The following DIPK2A variants were observed in gnomAD, a reference collection of about 807,000 sequenced individuals.
The protein encoded by DIPK2A is divergent protein kinase domain 2A.
A neutral mutation model predicts 39.0 loss-of-function variants in DIPK2A; 27 were observed. That is an observed-to-expected ratio of 0.69 (90% confidence interval 0.51 to 0.96). The LOEUF (loss-of-function observed/expected upper bound fraction) is 0.96, where lower values mean the gene tolerates loss of function less well. Among genes scored for constraint, DIPK2A ranks in the 40% least tolerant of loss-of-function variants. The probability of loss-of-function intolerance (pLI) is 0.00; values close to 1 mark genes in which losing one functional copy is unlikely to be tolerated. For missense variants in DIPK2A, 528 were observed against 571.3 expected, an observed-to-expected ratio of 0.92 and a Z score of 0.77; for synonymous variants, 298 against 240.8, an observed-to-expected ratio of 1.24 and a Z score of -2.20.
chr3:143,985,391 G>A, intron 1 of DIPK2A, 152 bp from the exon 2 acceptor site: 1 of 676,112 alleles, frequency 1.5e-6, no homozygotes, highest in Non-Finnish European at 2.5e-6. Flanking sequence ...GTATGAGTTA[G>A]GAAAAAATGA....
intron 1 of DIPK2A, among the ~76,000 whole-genome samples, chr3:143,985,323 A>G (rs985295517): frequency 1.3e-5 from 2 of 152,200 alleles, no homozygotes; most frequent in African/African-American, 4.8e-5. Flanking sequence ...TTGTCATCCT[A>G]TTTTAGCTTT....
chr3:143,987,641 T>C (rs950593378), intron 2 of DIPK2A, among the ~76,000 whole-genome samples: 4 of 152,256 alleles, frequency 2.6e-5, no homozygotes, highest in Non-Finnish European at 5.9e-5. Context: ...TAGATTCTTC[T>C]TTGAGAACTT....
chr3:143,992,355 C>CT lies in DIPK2A; in HGVS notation c.*2517dup, dbSNP rs773366633. On this transcript the variant is annotated 3_prime_UTR_variant, in exon 3 of 3. Transcript: ENST00000315691. ...CTTTTAATGATCTTAATAAAGAATA[C>CT]TTTAAGAATCACACTTTTCAGACTA... The CT allele has an allele frequency of 1.3e-5, 2 of 152,482 alleles. No individual in the cohort carries two copies. Among genetic ancestry groups the CT allele is most frequent in the Admixed American group, 1.3e-4 (2 of 15,274 alleles). The allele number at this position is 152,482 out of a possible 1,614,324, so 9.4% of individuals were successfully genotyped here.
rs1218905088 is a variant in DIPK2A, at chr3:143,972,671, C to A, written c.339C>A (p.Gly113=). ...GRRRVVLKRL[G]SQRELAQLDQ... is the part of the protein sequence containing the mutation. ...GCCGAGTGGTGCTCAAGCGCCTCGGCTCGCAGCGCGAGCTGGCGCAGCTCG... is the reference window on the plus strand; with the variant it reads ...GCCGAGTGGTGCTCAAGCGCCTCGGATCGCAGCGCGAGCTGGCGCAGCTCG... The change falls in exon 1 of 3, where the codon GGC becomes GGA. Residue 113 remains glycine (G), a synonymous_variant. Coordinates refer to ENST00000315691, the MANE Select transcript of DIPK2A (RefSeq NM_173552.5). 1.2e-6 allele frequency: 2 copies of A among 1,609,106 alleles called. No homozygotes were observed. The highest frequency in any genetic ancestry group is 2.2e-5 in the South Asian group (2 of 90,890).
At chr3:143,983,726 A>T (rs2087859273) in intron 1 of DIPK2A, among the ~76,000 whole-genome samples, 1 of 152,214 alleles carries the variant, frequency 6.6e-6, no homozygotes, top group Non-Finnish European at 1.5e-5. Flanking sequence ...ACTGAAGGAG[A>T]TAGAGACACG....
At chr3:143,975,033 A>G (rs1430516523) in intron 1 of DIPK2A, among the ~76,000 whole-genome samples, 1 of 152,116 alleles carries the variant, frequency 6.6e-6, no homozygotes, top group African/African-American at 2.4e-5. Context: ...CCTTTTTTGA[A>G]AAAGCACAAT....
chr3:143,972,831 C>T lies in DIPK2A; in HGVS notation c.499C>T (p.Leu167=), dbSNP rs6798911. Residue 167 remains leucine, a synonymous_variant, in exon 1 of 3, where the codon CTG becomes TTG. Transcript: ENST00000315691. ...CGAGGCGGTGGAGGGCTGGTCGGAC[C>T]TGGTGCACTGCCCCTCGCAGCGCCT... ...TPEAVEGWSD[L]VHCPSQRLLD... The T allele has an allele frequency of 0.024, 38,115 of 1,566,068 alleles. 3,135 individuals carry two copies. The African/African-American group carries it at 0.28, about 11-fold the overall frequency.
At chr3:143,973,124 G>T in intron 1 of DIPK2A, 135 bp downstream of exon 1, 1 of 1,272,930 alleles carries the variant, frequency 7.9e-7, no homozygotes, top group South Asian at 1.3e-5. Context: ...GGCGTGGGAA[G>T]GGGCGTCTCC....
At chr3:143,985,916 G>A in intron 2 of DIPK2A, 70 bp downstream of exon 2, 9 of 1,293,656 alleles carry the variant, frequency 7.0e-6, no homozygotes, top group Non-Finnish European at 8.5e-6. Flanking sequence ...ATACTTGTAT[G>A]AAATGAGCCT....
chr3:143,975,113 G>T (rs1175589309), intron 1 of DIPK2A, among the ~76,000 whole-genome samples: 2 of 152,062 alleles, frequency 1.3e-5, no homozygotes, highest in Non-Finnish European at 2.9e-5. Context: ...CATAGGATAA[G>T]AATTTGTTTT....
At chr3:143,976,509 TATTGA>T (rs1410452605) in intron 1 of DIPK2A, among the ~76,000 whole-genome samples, 2 of 151,110 alleles carry the variant, frequency 1.3e-5, no homozygotes, top group Non-Finnish European at 1.5e-5. Context: ...GTATTTAACC[TATTGA>T]ATTTACAGAA....
At chr3:143,973,069 G>C in intron 1 of DIPK2A, 80 bp downstream of exon 1, 2 of 1,485,490 alleles carry the variant, frequency 1.3e-6, no homozygotes, top group African/African-American at 1.4e-5. Context: ...GGCTCAGCCA[G>C]CGCTTGCCGC....
chr3:143,973,367 T>G, intron 1 of DIPK2A: 2 of 1,546,854 alleles, frequency 1.3e-6, no homozygotes, highest in Non-Finnish European at 1.7e-6. Context: ...CGCAGACTGT[T>G]CACGAGCCCT....
rs561616475 is a variant in DIPK2A, at chr3:143,985,760, A to G, written c.875A>G (p.Asn292Ser). ...TACCTCCTGGACGTCAGCTTTGACA[A>G]TTTTGCAGTTGGTCCTAGAGATGGG... ...ALYLLDVSFD[N>S]FAVGPRDGKV... Residue 292 changes from asparagine to serine, a missense_variant, in exon 2 of 3, where the codon AAT (asparagine) becomes AGT (serine). Physicochemically the swap from Asn to Ser is conservative, Grantham distance 46. Coordinates refer to ENST00000315691, the MANE Select transcript of DIPK2A (RefSeq NM_173552.5). 11 of 1,614,192 alleles carry G rather than the reference A, an allele frequency of 6.8e-6. No homozygotes were observed. Among genetic ancestry groups the G allele is most frequent in the Admixed American group, 1.7e-5 (1 of 60,032 alleles).
At chr3:143,983,491 TAA>T (rs2087855477) in intron 1 of DIPK2A, among the ~76,000 whole-genome samples, 2 of 152,048 alleles carry the variant, frequency 1.3e-5, no homozygotes, top group East Asian at 1.9e-4. Flanking sequence ...CAGAAGTAAA[TAA>T]GTTATTTGAA....
Position 143,972,808 on chromosome 3 carries a change from A to T in DIPK2A, c.476A>T (p.Glu159Val). Reference sequence around the variant, plus strand: ...GGCGACGTGCGTCTGCTCACGCCCGAGGCGGTGGAGGGCTGGTCGGACCTG... The same window carrying T: ...GGCGACGTGCGTCTGCTCACGCCCGTGGCGGTGGAGGGCTGGTCGGACCTG... The part of the protein sequence containing the change: ...LNGDVRLLTP[E>V]AVEGWSDLVH... Residue 159 changes from glutamate (E) to valine (V), a missense_variant, in exon 1 of 3, where the codon GAG (glutamate) becomes GTG (valine). Physicochemically the swap from Glu to Val is moderately radical, Grantham distance 121 (BLOSUM62 -2). Transcript: ENST00000315691. 6.4e-7 allele frequency: 1 copy of T among 1,564,806 alleles called. No homozygotes were observed. Among genetic ancestry groups the T allele is most frequent in the Non-Finnish European group, 8.6e-7 (1 of 1,158,740 alleles).
At position 143,971,956 on chromosome 3, in the gene DIPK2A, T is replaced by G. The variant is rs919831826; in HGVS notation, c.-377T>G. The stretch of plus-strand genomic sequence containing the variant: ...TGTCGTGGCTGGCTGCCGCCGCAGC[T>G]CTTGTGCGAAGCCAGCAGTGCGCGT... On this transcript the variant is annotated 5_prime_UTR_variant, in exon 1 of 3. Coordinates refer to ENST00000315691, the MANE Select transcript of DIPK2A (RefSeq NM_173552.5). The G allele has an allele frequency of 9.2e-6, 2 of 217,838 alleles. No homozygotes were observed. Among genetic ancestry groups the G allele is most frequent in the East Asian group, 9.2e-5 (1 of 10,856 alleles). 13.5% of individuals were successfully genotyped at this position (217,838 alleles called of 1,614,324 possible). A position where few individuals can be genotyped will look rare whatever the true frequency, so the allele number is the denominator to read the frequency against.
At chr3:143,986,916 A>G (rs574457383) in intron 2 of DIPK2A, among the ~76,000 whole-genome samples, 2 of 152,244 alleles carry the variant, frequency 1.3e-5, no homozygotes, top group South Asian at 4.1e-4. Flanking sequence ...TCTTTTGACA[A>G]ACAAAGGCTG....
At chr3:143,986,641 G>A (rs9874033) in intron 2 of DIPK2A, among the ~76,000 whole-genome samples, 11,497 of 150,778 alleles carry the variant, frequency 0.076, 608 homozygotes, top group East Asian at 0.24. Context: ...GGAGAATGGC[G>A]TGAACCCCAG....
Sources: gnomAD v4.1 joint callset for allele counts (sites outside exome capture counted in the v4.1 genomes callset) on GRCh38, gnomAD v4.1.1 for gene constraint, MANE v1.5 for transcripts, NCBI Gene and HGNC (gene_info 2026-07-23, HGNC 2026-07-21) for gene names.